The following TENM3 variants were observed in gnomAD, a reference collection of about 807,000 sequenced individuals.
TENM3 encodes teneurin-3.
A neutral mutation model predicts 255.1 loss-of-function variants in TENM3; 63 were observed. The ratio of observed to expected loss-of-function variants is 0.25; its 90% CI spans 0.20 to 0.30. The LOEUF is 0.30. Among genes scored for constraint, TENM3 ranks in the 10% least tolerant of loss-of-function variants. TENM3 has a pLI of 1.00. For synonymous variants in TENM3, 1,306 were observed against 1,322.3 expected (o/e 0.99, Z 0.27); for missense variants, 2,929 against 3,461.1 (o/e 0.85, Z 3.86).
At chr4:182,393,246 G>A (rs1329523714) in intron 3 of TENM3, among the ~76,000 whole-genome samples, 1 of 152,062 alleles carries the variant, frequency 6.6e-6, no homozygotes, top group African/African-American at 2.4e-5. Context: ...GTTCAATATG[G>A]CCTGTCATCT....
the TENM3 span, among the ~76,000 whole-genome samples, chr4:182,043,139 A>G: frequency 0.011 from 1,709 of 152,258 alleles, 16 homozygotes; most frequent in Non-Finnish European, 0.019. Flanking sequence ...AGAGAACTTT[A>G]ATAAGCATTC....
the TENM3 span, among the ~76,000 whole-genome samples, chr4:181,836,824 G>T: frequency 6.6e-6 from 1 of 152,134 alleles, no homozygotes; most frequent in East Asian, 1.9e-4. Context: ...GGGGAGGGTA[G>T]GTTACACTAA....
chr4:181,858,595 C>T, the TENM3 span, among the ~76,000 whole-genome samples: 3 of 152,284 alleles, frequency 2.0e-5, no homozygotes, highest in South Asian at 2.1e-4. Flanking sequence ...AGCCAGGATG[C>T]GTTTGCAGAA....
intron 3 of TENM3, among the ~76,000 whole-genome samples, chr4:182,403,357 G>A (rs970181985): frequency 1.3e-5 from 2 of 152,174 alleles, no homozygotes; most frequent in Non-Finnish European, 2.9e-5. Context: ...AAAAGATTGT[G>A]CATCTGTTTT....
chr4:181,964,603 AT>A, the TENM3 span, among the ~76,000 whole-genome samples: 37 of 151,190 alleles, frequency 2.4e-4, no homozygotes, highest in African/African-American at 8.3e-4. Flanking sequence ...AAAAAAAAAA[AT>A]AGCCATTCTG....
the TENM3 span, among the ~76,000 whole-genome samples, chr4:181,709,003 T>C: frequency 1.3e-5 from 2 of 152,126 alleles, no homozygotes; most frequent in Non-Finnish European, 2.9e-5. Context: ...AGAAAACAAA[T>C]AGTCAATTGG....
chr4:182,524,905 G>A (rs1449227001), intron 3 of TENM3, among the ~76,000 whole-genome samples: 1 of 151,912 alleles, frequency 6.6e-6, no homozygotes, highest in Non-Finnish European at 1.5e-5. Context: ...CGCACCTGTG[G>A]TACGGTCCCA....
intron 12 of TENM3, among the ~76,000 whole-genome samples, chr4:182,699,961 C>G (rs1192741514): frequency 6.6e-6 from 1 of 151,954 alleles, no homozygotes; most frequent in Non-Finnish European, 1.5e-5. Context: ...TTGCCAAGTT[C>G]ATCAGAAGCC....
At chr4:182,019,552 G>A in the TENM3 span, among the ~76,000 whole-genome samples, 1 of 152,142 alleles carries the variant, frequency 6.6e-6, no homozygotes, top group Non-Finnish European at 1.5e-5. Context: ...GTTCTGTTAT[G>A]AAAAAGTAAA....
intron 3 of TENM3, among the ~76,000 whole-genome samples, chr4:182,357,040 C>T (rs577492459): frequency 6.6e-6 from 1 of 152,278 alleles, no homozygotes; most frequent in African/African-American, 2.4e-5. Flanking sequence ...CTACAAAGCA[C>T]ATGAACTCAT....
At chr4:182,418,552 T>C (rs1054461231) in intron 3 of TENM3, among the ~76,000 whole-genome samples, 3 of 151,952 alleles carry the variant, frequency 2.0e-5, no homozygotes, top group Non-Finnish European at 2.9e-5. Flanking sequence ...AAATTAGATA[T>C]AGTGTTTTTG....
chr4:182,785,322 T>G (rs992942454), intron 24 of TENM3, among the ~76,000 whole-genome samples: 3 of 151,964 alleles, frequency 2.0e-5, no homozygotes, highest in African/African-American at 7.2e-5. Context: ...TCTGCCTGCC[T>G]CAGCCTCCCA....
At chr4:182,688,645 G>A (rs529037793) in intron 12 of TENM3, among the ~76,000 whole-genome samples, 1 of 152,186 alleles carries the variant, frequency 6.6e-6, no homozygotes, top group Non-Finnish European at 1.5e-5. Context: ...AAGTTTTATC[G>A]AATATTACTT....
the TENM3 span, among the ~76,000 whole-genome samples, chr4:181,942,701 A>G: frequency 1.3e-5 from 2 of 152,232 alleles, no homozygotes; most frequent in East Asian, 3.8e-4. Context: ...CCATTAAATT[A>G]TTCAAAGCAA....
At chr4:182,592,225 G>A (rs528262679) in intron 3 of TENM3, among the ~76,000 whole-genome samples, 14 of 151,784 alleles carry the variant, frequency 9.2e-5, no homozygotes, top group African/African-American at 3.4e-4. Context: ...AACCAGATCA[G>A]GGAAGTGTTG....
the TENM3 span, among the ~76,000 whole-genome samples, chr4:181,501,888 G>T: frequency 6.6e-6 from 1 of 152,124 alleles, no homozygotes; most frequent in African/African-American, 2.4e-5. Context: ...CTCAGCTACA[G>T]GGCGAGCCGG....
the TENM3 span, among the ~76,000 whole-genome samples, chr4:181,485,128 A>G: frequency 6.6e-6 from 1 of 152,190 alleles, no homozygotes; most frequent in Non-Finnish European, 1.5e-5. Flanking sequence ...AGAATTTAAA[A>G]CATAAGTGTC....
chr4:181,991,030 T>C, the TENM3 span, among the ~76,000 whole-genome samples: 1 of 152,188 alleles, frequency 6.6e-6, no homozygotes, highest in Non-Finnish European at 1.5e-5. Context: ...ATTTGTTATC[T>C]GTAGGGGAGG....
chr4:182,174,323 A>T (rs1390899916), intron 1 of TENM3, among the ~76,000 whole-genome samples: 22 of 151,554 alleles, frequency 1.5e-4, no homozygotes. Flanking sequence ...TTAACTCGGA[A>T]CTGATTCTTT....
Sources: gnomAD v4.1 joint callset for allele counts (sites outside exome capture counted in the v4.1 genomes callset) on GRCh38, gnomAD v4.1.1 for gene constraint, MANE v1.5 for transcripts, NCBI Gene and HGNC (gene_info 2026-07-23, HGNC 2026-07-21) for gene names.